The following SOX6 variants were observed in gnomAD, a reference collection of about 807,000 sequenced individuals.
SOX6 encodes the protein transcription factor SOX-6.
SOX6 carries 11 observed loss-of-function variants against 97.8 expected under a neutral mutation model. The observed-to-expected ratio is 0.11, with a 90% confidence interval of 0.07 to 0.19. The LOEUF (loss-of-function observed/expected upper bound fraction) is 0.19, where lower values mean the gene tolerates loss of function less well. SOX6 is among the 10% of genes least tolerant of loss of function. SOX6 has a pLI of 1.00. For missense variants in SOX6, 810 were observed against 1,039.5 expected (o/e 0.78, Z 3.04); for synonymous variants, 360 against 371.4 (o/e 0.97, Z 0.35).
intron 7 of SOX6, among the ~76,000 whole-genome samples, chr11:16,101,019 T>A (rs1848932342): frequency 6.6e-6 from 1 of 151,726 alleles, no homozygotes; most frequent in Non-Finnish European, 1.5e-5. Context: ...TACACATCCC[T>A]AACTAACTCA....
chr11:16,736,320 T>C (rs1290205875), intron 2 of SOX6: 3 of 152,222 alleles, frequency 2.0e-5, no homozygotes, highest in African/African-American at 7.2e-5. Context: ...TCTATTACAC[T>C]GTATAATTTC....
intron 4 of SOX6, among the ~76,000 whole-genome samples, chr11:16,545,765 A>C (rs943766047): frequency 6.6e-6 from 1 of 152,140 alleles, no homozygotes; most frequent in African/African-American, 2.4e-5. Flanking sequence ...TACCCTGGGC[A>C]ATATAATGAG....
intron 6 of SOX6, among the ~76,000 whole-genome samples, chr11:16,127,006 C>T (rs546232550): frequency 6.6e-6 from 1 of 152,178 alleles, no homozygotes; most frequent in Admixed American, 6.6e-5. Context: ...ATCACCCCCT[C>T]AAAAAATACC....
intron 9 of SOX6, among the ~76,000 whole-genome samples, chr11:16,092,056 C>G (rs1297350676): frequency 1.3e-5 from 2 of 151,886 alleles, no homozygotes; most frequent in East Asian, 3.9e-4. Flanking sequence ...AATTACTTGT[C>G]TTGGAGGAAT....
chr11:16,504,257 A>G lies in SOX6; in HGVS notation n.610-27869T>C, dbSNP rs118137800. Among the ~76,000 whole-genome samples the G allele has an allele frequency of 4.0e-3, 605 of 152,136 alleles. 14 individuals are homozygous for G. In the East Asian group the frequency reaches 0.052, roughly 13 times the overall value. On this transcript the variant is annotated intron_variant and non_coding_transcript_variant, in intron 4 of 5. Transcript: ENST00000524520. ...AAGTCCTAGCCAGAACAATTAGGCAAGAAAAAGGAATAAAAGGCATACAAA... is the reference window on the plus strand; with the variant it reads ...AAGTCCTAGCCAGAACAATTAGGCAGGAAAAAGGAATAAAAGGCATACAAA...
intron 3 of SOX6, among the ~76,000 whole-genome samples, chr11:16,684,989 C>G (rs1847958375): frequency 6.6e-6 from 1 of 152,066 alleles, no homozygotes; most frequent in Non-Finnish European, 1.5e-5. Flanking sequence ...GTGCCACACA[C>G]TTTTAAACAA....
chr11:16,580,554 A>C (rs7933270), intron 4 of SOX6, among the ~76,000 whole-genome samples: 5,112 of 152,266 alleles, frequency 0.034, 278 homozygotes, highest in African/African-American at 0.12. Context: ...TCATCGCAGC[A>C]CTATTCACAA....
intron 13 of SOX6, among the ~76,000 whole-genome samples, chr11:15,992,040 AC>A (rs1854069274): frequency 6.6e-6 from 1 of 152,234 alleles, no homozygotes; most frequent in Admixed American, 6.5e-5. Context: ...AATTGATTTC[AC>A]AGCAATTCTC....
intron 4 of SOX6, among the ~76,000 whole-genome samples, chr11:16,206,732 A>C (rs916390323): frequency 1.3e-5 from 2 of 152,214 alleles, no homozygotes; most frequent in African/African-American, 4.8e-5. Context: ...GAGTCTTAAG[A>C]ATGAAGAACA....
chr11:16,268,003 A>T (rs1236423433), intron 3 of SOX6, among the ~76,000 whole-genome samples: 1 of 151,482 alleles, frequency 6.6e-6, no homozygotes, highest in Non-Finnish European at 1.5e-5. Context: ...CTCAACTCAC[A>T]GAAGGAGAGA....
chr11:16,068,659 C>A (rs1002689962), intron 9 of SOX6, among the ~76,000 whole-genome samples: 1 of 152,112 alleles, frequency 6.6e-6, no homozygotes, highest in Non-Finnish European at 1.5e-5. Context: ...AGTAAATCTC[C>A]TTGCCCCTCC....
At chr11:16,325,850 A>G (rs1200576982) in intron 2 of SOX6, among the ~76,000 whole-genome samples, 1 of 152,148 alleles carries the variant, frequency 6.6e-6, no homozygotes, top group Non-Finnish European at 1.5e-5. Flanking sequence ...TAGCAACCTT[A>G]TAAAAGTGCT....
chr11:16,233,260 C>T (rs541638554), intron 4 of SOX6, among the ~76,000 whole-genome samples: 50 of 152,056 alleles, frequency 3.3e-4, no homozygotes, highest in African/African-American at 9.2e-4. Flanking sequence ...GATGACTGTC[C>T]GTAAGGATTG....
intron 15 of SOX6, among the ~76,000 whole-genome samples, chr11:15,985,823 G>T (rs760238789): frequency 6.6e-6 from 1 of 152,144 alleles, no homozygotes; most frequent in African/African-American, 2.4e-5. Context: ...TGTGATTAGA[G>T]TCAGAAGCAC....
At chr11:16,168,970 T>C (rs955636137) in intron 6 of SOX6, among the ~76,000 whole-genome samples, 1 of 152,140 alleles carries the variant, frequency 6.6e-6, no homozygotes, top group Non-Finnish European at 1.5e-5. Context: ...CAGCAGAATG[T>C]TGTTCCCATG....
intron 1 of SOX6, among the ~76,000 whole-genome samples, chr11:16,435,264 C>T (rs937365046): frequency 6.6e-6 from 1 of 152,020 alleles, no homozygotes; most frequent in Non-Finnish European, 1.5e-5. Context: ...TCTGAAGAGG[C>T]TTGTGATTTT....
chr11:16,288,300 T>C (rs1163172354), intron 3 of SOX6, among the ~76,000 whole-genome samples: 1 of 152,118 alleles, frequency 6.6e-6, no homozygotes, highest in Non-Finnish European at 1.5e-5. Flanking sequence ...CTACTCTGGA[T>C]CAGCCACCTA....
chr11:16,145,285 T>C (rs1411069925), intron 6 of SOX6, among the ~76,000 whole-genome samples: 4 of 152,256 alleles, frequency 2.6e-5, no homozygotes, highest in Non-Finnish European at 4.4e-5. Context: ...AAAAGGCCTT[T>C]GACAAAATTC....
At chr11:15,983,422 G>A (rs1242356282) in intron 15 of SOX6, among the ~76,000 whole-genome samples, 2 of 151,992 alleles carry the variant, frequency 1.3e-5, no homozygotes, top group Admixed American at 6.6e-5. Context: ...TGAAAATGTT[G>A]AGCAGTATAT....
Sources: allele counts gnomAD v4.1 joint callset (sites outside exome capture counted in the v4.1 genomes callset), GRCh38; gene constraint gnomAD v4.1.1; transcripts MANE v1.5; gene names NCBI Gene and HGNC (gene_info 2026-07-23, HGNC 2026-07-21).